UNC13B: variants seen among roughly 807,000 people sequenced by gnomAD.
The protein encoded by UNC13B is protein unc-13 homolog B.
In UNC13B, 144 loss-of-function variants were observed where a neutral mutation model predicts 211.0. The ratio of observed to expected loss-of-function variants is 0.68; its 90% CI spans 0.60 to 0.78. UNC13B has a LOEUF of 0.78. Ranked by LOEUF, UNC13B falls within the 30% of genes least tolerant of loss-of-function variation. UNC13B has a pLI of 0.00. For synonymous variants in UNC13B, 709 were observed against 725.8 expected (o/e 0.98, Z 0.37); for missense variants, 1,777 against 2,002.0 (o/e 0.89, Z 2.14).
In UNC13B at chr9:35,237,742, T is replaced by A. The variant is rs762313172; in HGVS notation, c.310T>A (p.Leu104Ile). 1 of 1,613,992 alleles carries A rather than the reference T, an allele frequency of 6.2e-7. No individual in the cohort carries two copies. Among genetic ancestry groups the A allele is most frequent in the Non-Finnish European group, 8.5e-7 (1 of 1,179,954 alleles). ...GEWSTLEAET[L>I]MKDDEICGTR... ...ATGGTCCACATTAGAGGCAGAGACG[T>A]TAATGAAAGACGATGAGATCTGTGG... Residue 104 changes from leucine to isoleucine, a missense_variant, in exon 5 of 40, where the codon TTA (leucine) becomes ATA (isoleucine). Transcript: ENST00000635942.
chr9:35,311,319 C>T (rs1467071398), intron 10 of UNC13B, among the ~76,000 whole-genome samples: 1 of 152,190 alleles, frequency 6.6e-6, no homozygotes, highest in Non-Finnish European at 1.5e-5. Context: ...ACCAGGGCTT[C>T]TTGAGTCTGC....
chr9:35,291,146 C>T (rs1279420423), intron 7 of UNC13B: 3 of 1,538,144 alleles, frequency 2.0e-6, no homozygotes, highest in Admixed American at 2.0e-5. Flanking sequence ...CTTGATCTTA[C>T]CCACAAAGTA....
rs189093016 is a variant in UNC13B, at chr9:35,260,509, A to G, written c.526+1459A>G. 2.2e-3 allele frequency among the ~76,000 whole-genome samples: 342 copies of G among 152,254 alleles called. 2 individuals carry two copies. The highest frequency in any genetic ancestry group is 0.017 in the Middle Eastern group (5 of 294). On this transcript the variant is annotated intron_variant, in intron 7 of 39. Transcript: ENST00000635942. ...ACCACTGTGTTATATTGATTCCTTC[A>G]TATTGTTTCTGAAAAGGAAAACCTT... is the stretch of plus-strand genomic sequence containing the variant.
At chr9:35,376,929 G>A (rs967971259) in intron 15 of UNC13B, among the ~76,000 whole-genome samples, 4 of 152,138 alleles carry the variant, frequency 2.6e-5, no homozygotes, top group Non-Finnish European at 4.4e-5. Flanking sequence ...ACTGTGGCTG[G>A]ACCCCAGGAA....
At chr9:35,329,216 G>C (rs538820405) in intron 11 of UNC13B, among the ~76,000 whole-genome samples, 1 of 152,116 alleles carries the variant, frequency 6.6e-6, no homozygotes, top group Non-Finnish European at 1.5e-5. Context: ...TTCCCCAGGG[G>C]TTGGATACCT....
chr9:35,190,792 A>G (rs1822615272), intron 1 of UNC13B, among the ~76,000 whole-genome samples: 1 of 152,236 alleles, frequency 6.6e-6, no homozygotes, highest in Non-Finnish European at 1.5e-5. Context: ...ACTTTTAATT[A>G]AGCTGAGCAC....
At chr9:35,292,991 T>G (rs1052964270) in intron 7 of UNC13B, among the ~76,000 whole-genome samples, 39 of 152,226 alleles carry the variant, frequency 2.6e-4, no homozygotes, top group African/African-American at 8.7e-4. Flanking sequence ...TGTTACATAT[T>G]TTCCTGAATT....
At chr9:35,239,644 C>T (rs372818711) in intron 5 of UNC13B, among the ~76,000 whole-genome samples, 19 of 152,172 alleles carry the variant, frequency 1.2e-4, no homozygotes, top group East Asian at 9.6e-4. Flanking sequence ...GGGAGCACTA[C>T]AGGAGACCAG....
intron 33 of UNC13B, 28 bp from the exon 34 acceptor site, chr9:35,399,133 T>G: frequency 6.2e-7 from 1 of 1,614,162 alleles, no homozygotes; most frequent in Non-Finnish European, 8.5e-7. Context: ...ACTCTCACCC[T>G]GGTCTCACCT....
intron 38 of UNC13B, 59 bp from the exon 39 acceptor site, chr9:35,403,381 G>C: frequency 6.2e-7 from 1 of 1,605,354 alleles, no homozygotes; most frequent in South Asian, 1.1e-5. Context: ...AGGTCACCTG[G>C]GGTTCAAGAA....
chr9:35,403,221 C>T lies in UNC13B; in HGVS notation c.12539C>T (p.Thr4180Ile), dbSNP rs139395290. The T allele has an allele frequency of 1.1e-5, 18 of 1,614,060 alleles. No individual in the cohort carries two copies. In the African/African-American group the frequency reaches 2.1e-4, roughly 19 times the overall value. ...GTCTCTATTCAGGTGGACTTGTTTA[C>T]ACACCCTGGTACTGGGGAGCACAAG... ...GEVSIQVDLF[T>I]HPGTGEHKVT... The change falls in exon 38 of 40, where the codon ACA (threonine) becomes ATA (isoleucine). Residue 4180 changes from threonine to isoleucine, a missense_variant. By Grantham distance (89) the Thr-to-Ile change is moderately conservative. Transcript: ENST00000635942.
chr9:35,367,707 G>T (rs1833864361), intron 12 of UNC13B, among the ~76,000 whole-genome samples: 1 of 152,110 alleles, frequency 6.6e-6, no homozygotes, highest in Non-Finnish European at 1.5e-5. Flanking sequence ...CTGTAGTCAG[G>T]ATATAAGTAA....
At chr9:35,264,063 G>C (rs1827431986) in intron 7 of UNC13B, among the ~76,000 whole-genome samples, 1 of 152,202 alleles carries the variant, frequency 6.6e-6, no homozygotes, top group Non-Finnish European at 1.5e-5. Flanking sequence ...AAATTTGCAA[G>C]TAGCTTTGGA....
At chr9:35,343,428 G>A (rs1194536460) in intron 11 of UNC13B, among the ~76,000 whole-genome samples, 1 of 152,200 alleles carries the variant, frequency 6.6e-6, no homozygotes, top group Non-Finnish European at 1.5e-5. Flanking sequence ...ATCTATTGAG[G>A]TAACCAGGTT....
intron 11 of UNC13B, 43 bp from the exon 12 acceptor site, chr9:35,366,904 C>T (rs757791092): frequency 6.4e-7 from 1 of 1,557,058 alleles, no homozygotes; most frequent in Non-Finnish European, 8.9e-7. Context: ...GGCAATCTCC[C>T]ATCTTTCCCA....
In UNC13B at chr9:35,310,811, A is replaced by C. The variant is rs753800429; in HGVS notation, c.9323+30A>C. The C allele has an allele frequency of 6.3e-6, 10 of 1,595,080 alleles. No individual in the cohort carries two copies. In the East Asian group the frequency reaches 2.2e-4, roughly 36 times the overall value. Reference sequence around the variant, plus strand: ...GCAACAGCTGCCTTGAGGAGCTCACATGGCTTCCTCAGTACCTGCCCTGTG... The same window carrying C: ...GCAACAGCTGCCTTGAGGAGCTCACCTGGCTTCCTCAGTACCTGCCCTGTG... On this transcript the variant is annotated intron_variant, in intron 10 of 39. Coordinates refer to ENST00000635942, the MANE Select transcript of UNC13B (RefSeq NM_001371189.2).
At chr9:35,204,332 G>T (rs949764350) in intron 1 of UNC13B, among the ~76,000 whole-genome samples, 1 of 152,196 alleles carries the variant, frequency 6.6e-6, no homozygotes, top group Non-Finnish European at 1.5e-5. Flanking sequence ...GGGGAAATGT[G>T]GGGTGGGAGC....
chr9:35,276,305 CAAAAA>C (rs35634253), intron 7 of UNC13B, among the ~76,000 whole-genome samples: 1 of 84,026 alleles, frequency 1.2e-5, no homozygotes, highest in Non-Finnish European at 2.4e-5. Flanking sequence ...GAGCCTGTCT[CAAAAA>C]AAAAAAAAAA....
rs535524786 is a variant in UNC13B, at chr9:35,332,106, C to G, written c.9414+18117C>G. Among the ~76,000 whole-genome samples, 4 of 152,200 alleles carry G rather than the reference C, an allele frequency of 2.6e-5. No individual in the cohort carries two copies. In the East Asian group the frequency reaches 7.7e-4, roughly 29 times the overall value. ...AAGCAATTCTCCTGCCTTAGCCTCC[C>G]AAGTAGCTGGGACTACAGGCATGAG... On this transcript the variant is annotated intron_variant, in intron 11 of 39. Transcript: ENST00000635942.
Sources: gnomAD v4.1 joint callset for allele counts (sites outside exome capture counted in the v4.1 genomes callset) on GRCh38, gnomAD v4.1.1 for gene constraint, MANE v1.5 for transcripts, NCBI Gene and HGNC (gene_info 2026-07-23, HGNC 2026-07-21) for gene names.